The following SYNRG variants were observed in gnomAD, a reference collection of about 807,000 sequenced individuals.
SYNRG encodes the protein synergin gamma.
In SYNRG, 37 loss-of-function variants were observed where a neutral mutation model predicts 130.9. The ratio of observed to expected loss-of-function variants is 0.28; its 90% CI spans 0.22 to 0.37. SYNRG has a LOEUF of 0.37. SYNRG is among the 10% of genes least tolerant of loss of function. The probability of loss-of-function intolerance (pLI) is 1.00; values close to 1 mark genes in which losing one functional copy is unlikely to be tolerated. For missense variants in SYNRG, 1,338 were observed against 1,588.9 expected, an observed-to-expected ratio of 0.84 and a Z score of 2.68; for synonymous variants, 539 against 568.1, an observed-to-expected ratio of 0.95 and a Z score of 0.73.
chr17:37,540,453 G>C lies in SYNRG; in HGVS notation c.3293C>G (p.Ser1098Cys). The change falls in exon 16 of 22, where the codon TCC becomes TGC. Residue 1098 changes from serine (S) to cysteine (C), a missense_variant. Ser to Cys is a moderately radical substitution (Grantham distance 112, BLOSUM62 -1). Transcript: ENST00000612223. ...PALEQPFRDR[S>C]NTLNEKPALP... ...GGCGGGCTTCTCATTCAGAGTATTG[G>C]AACGGTCTCTGAAAGGCTGCTCCAA... 3 of 1,613,922 alleles carry C rather than the reference G, an allele frequency of 1.9e-6. No homozygotes were observed. Among genetic ancestry groups the C allele is most frequent in the Non-Finnish European group, 2.5e-6 (3 of 1,179,972 alleles).
chr17:37,565,461 G>A lies in SYNRG; in HGVS notation c.1481+3330C>T, dbSNP rs552142756. Among the ~76,000 whole-genome samples, 148 of 151,818 alleles carry A rather than the reference G, an allele frequency of 9.7e-4. 1 individual carries two copies. In the Middle Eastern group the frequency reaches 0.01, roughly 10 times the overall value. ...CCGAGATTGCAGCCTCTGCCCGGCC[G>A]CCACCCCGTCTGGGAAGTGAGGAGC... On this transcript the variant is annotated intron_variant, in intron 11 of 21. Coordinates refer to ENST00000612223, the MANE Select transcript of SYNRG (RefSeq NM_007247.6).
chr17:37,558,637 C>G (rs2059293660), intron 13 of SYNRG, among the ~76,000 whole-genome samples: 1 of 152,186 alleles, frequency 6.6e-6, no homozygotes, highest in African/African-American at 2.4e-5. Context: ...CTTCATCTTT[C>G]TCATTAAATT....
In SYNRG at chr17:37,518,378, A is replaced by G. The variant is rs1386961007; in HGVS notation, c.*562T>C. On this transcript the variant is annotated 3_prime_UTR_variant, in exon 22 of 22. Coordinates refer to ENST00000612223, the MANE Select transcript of SYNRG (RefSeq NM_007247.6). ...GAGAACTGGTTCAGTTGTGACAACC[A>G]AGTGGGTAAAATCTGCCCTCACCTG... The G allele has an allele frequency of 1.3e-5, 2 of 152,340 alleles. No homozygotes were observed. Among genetic ancestry groups the G allele is most frequent in the Non-Finnish European group, 2.9e-5 (2 of 68,160 alleles). The allele number at this position is 152,340 out of a possible 1,614,324, so 9.4% of individuals were successfully genotyped here.
intron 3 of SYNRG, among the ~76,000 whole-genome samples, chr17:37,588,738 A>C (rs1374801002): frequency 1.6e-5 from 2 of 128,364 alleles, no homozygotes; most frequent in Non-Finnish European, 3.3e-5. Context: ...TCCTAGAATT[A>C]TTCTTTTTTT....
chr17:37,516,351 A>G lies in SYNRG; in HGVS notation c.*2589T>C, dbSNP rs2054425358. 6.6e-6 allele frequency: 1 copy of G among 152,224 alleles called. No homozygotes were observed. The highest frequency in any genetic ancestry group is 1.5e-5 in the Non-Finnish European group (1 of 68,038). 9.4% of individuals were successfully genotyped at this position (152,224 alleles called of 1,614,324 possible). On this transcript the variant is annotated 3_prime_UTR_variant, in exon 22 of 22. Transcript: ENST00000612223. ...CCCTATTGGTGGCATCTAATTAAAC[A>G]TTTCAAGTATTCAAGAGATATGAAA... is the stretch of plus-strand genomic sequence containing the variant.
chr17:37,528,351 A>G (rs979586103), intron 19 of SYNRG, among the ~76,000 whole-genome samples: 6 of 152,110 alleles, frequency 3.9e-5, no homozygotes, highest in Non-Finnish European at 7.4e-5. Flanking sequence ...AGGACTCATC[A>G]TGTGATTACA....
chr17:37,557,799 C>T (rs919779216), intron 13 of SYNRG, among the ~76,000 whole-genome samples: 1 of 152,054 alleles, frequency 6.6e-6, no homozygotes, highest in Admixed American at 6.6e-5. Context: ...TGAGCTATGA[C>T]TGCGCCACTG....
intron 10 of SYNRG, among the ~76,000 whole-genome samples, chr17:37,569,383 C>G (rs565755077): frequency 2.1e-5 from 3 of 144,738 alleles, no homozygotes; most frequent in East Asian, 2.0e-4. Flanking sequence ...GCACTCCAGC[C>G]TGGGCGACAG....
intron 5 of SYNRG, 22 bp from the exon 6 acceptor site, chr17:37,584,781 C>T (rs747183632): frequency 3.4e-5 from 53 of 1,559,136 alleles, no homozygotes; most frequent in Middle Eastern, 1.7e-4. Flanking sequence ...CAAATATATG[C>T]GTATTTCTTT....
chr17:37,581,435 G>A (rs982365278), intron 6 of SYNRG, among the ~76,000 whole-genome samples: 3 of 145,254 alleles, frequency 2.1e-5, no homozygotes, highest in Non-Finnish European at 3.0e-5. Flanking sequence ...CCATCACCAC[G>A]CCCGGCTAAT....
In SYNRG at chr17:37,561,264, T is replaced by C. The variant is rs371614318; in HGVS notation, c.1601-7A>G. On this transcript the variant is annotated splice_polypyrimidine_tract_variant and splice_region_variant and intron_variant, in intron 12 of 21. Coordinates refer to ENST00000612223, the MANE Select transcript of SYNRG (RefSeq NM_007247.6). ...CTATATTTATCACCAGGATCTATGA[T>C]AGAAAGGACAGAAGCTCAGTTAAGG... 49 of 1,612,962 alleles carry C rather than the reference T, an allele frequency of 3.0e-5. No homozygotes were observed. The highest frequency in any genetic ancestry group is 8.0e-5 in the African/African-American group (6 of 74,824).
rs768725408 is a variant in SYNRG at position 37,568,785 on chromosome 17, T to C, written c.1481+6A>G. The C allele has an allele frequency of 2.5e-6, 4 of 1,613,526 alleles. No individual in the cohort carries two copies. In the South Asian group the frequency reaches 4.4e-5, roughly 18 times the overall value. On this transcript the variant is annotated splice_donor_region_variant and intron_variant, in intron 11 of 21. Coordinates refer to ENST00000612223, the MANE Select transcript of SYNRG (RefSeq NM_007247.6). ...GCAATGTTAAATATATTAAACTCTT[T>C]TCTACCTGTTTCCATGCTGGGAGTT...
chr17:37,591,738 C>T, intron 3 of SYNRG, among the ~76,000 whole-genome samples: 1 of 152,192 alleles, frequency 6.6e-6, no homozygotes, highest in Non-Finnish European at 1.5e-5. Flanking sequence ...CTGGGGCAAT[C>T]ACACTTGCAT....
At chr17:37,534,902 TA>T (rs11424643) in intron 19 of SYNRG, among the ~76,000 whole-genome samples, 14 of 149,988 alleles carry the variant, frequency 9.3e-5, no homozygotes, top group Non-Finnish European at 1.5e-4. Flanking sequence ...AGTTCCATGT[TA>T]AAAAAAAAAT....
intron 19 of SYNRG, among the ~76,000 whole-genome samples, chr17:37,533,521 T>C (rs1317390186): frequency 6.6e-6 from 1 of 152,034 alleles, no homozygotes; most frequent in African/African-American, 2.4e-5. Context: ...TGATAAGGGC[T>C]TGAATTAGTT....
intron 15 of SYNRG, chr17:37,540,749 C>T: frequency 1.4e-6 from 1 of 737,796 alleles, no homozygotes; most frequent in Non-Finnish European, 2.0e-6. Context: ...ATTCTCCTGC[C>T]TCAGCCTCCT....
In SYNRG at chr17:37,538,904, C is replaced by A. The variant is rs1460125333; in HGVS notation, c.3420+288G>T. 3 of 570,742 alleles carry A rather than the reference C, an allele frequency of 5.3e-6. No homozygotes were observed. The African/African-American group carries it at 6.1e-5, about 12-fold the overall frequency. The allele number at this position is 570,742 out of a possible 1,614,324, so 35.4% of individuals were successfully genotyped here. On this transcript the variant is annotated intron_variant, in intron 17 of 21. Transcript: ENST00000612223. ...CCACCGCACCCAGCCAAGACAGGTT[C>A]TTTAGCTTAAATATTATTTTGATTT...
chr17:37,534,190 C>G (rs545455752), intron 19 of SYNRG, among the ~76,000 whole-genome samples: 1 of 151,566 alleles, frequency 6.6e-6, no homozygotes, highest in Non-Finnish European at 1.5e-5. Context: ...TTGTTCTGCC[C>G]GCCTTGGCCT....
At chr17:37,604,747 G>A (rs1170460491) in intron 1 of SYNRG, among the ~76,000 whole-genome samples, 2 of 152,054 alleles carry the variant, frequency 1.3e-5, no homozygotes, top group African/African-American at 2.4e-5. Flanking sequence ...TTCTAGCTTC[G>A]GATTTAAAGG....
Sources: gnomAD v4.1 joint callset for allele counts (sites outside exome capture counted in the v4.1 genomes callset) on GRCh38, gnomAD v4.1.1 for gene constraint, MANE v1.5 for transcripts, NCBI Gene and HGNC (gene_info 2026-07-23, HGNC 2026-07-21) for gene names.